Variants in C3orf33 observed in about 807,000 individuals in gnomAD.
C3orf33 encodes the protein AP-1 activity suppressor.
In C3orf33, 23 loss-of-function variants were observed where a neutral mutation model predicts 28.7. The observed-to-expected ratio is 0.80, with a 90% confidence interval of 0.58 to 1.13. The LOEUF is 1.13. Ranked by LOEUF, C3orf33 falls within the 50% of genes most tolerant of loss-of-function variation. The pLI, the probability that C3orf33 is intolerant of heterozygous loss-of-function variation, is 0.00. For missense variants in C3orf33, 327 were observed against 353.4 expected, an observed-to-expected ratio of 0.93 and a Z score of 0.60; for synonymous variants, 119 against 120.5, an observed-to-expected ratio of 0.99 and a Z score of 0.08.
At chr3:155,788,169 C>T (rs1352445053) in intron 2 of C3orf33, among the ~76,000 whole-genome samples, 2 of 146,398 alleles carry the variant, frequency 1.4e-5, no homozygotes, top group Non-Finnish European at 3.0e-5. Context: ...CCAGCCTGGG[C>T]GACAGAGCGA....
intron 2 of C3orf33, among the ~76,000 whole-genome samples, chr3:155,793,596 G>A (rs546780592): frequency 2.6e-5 from 4 of 151,954 alleles, no homozygotes; most frequent in Admixed American, 2.6e-4. Flanking sequence ...GATAACTGAA[G>A]GTTAGGGGTC....
At chr3:155,784,422 CA>C (rs1212945828) in intron 2 of C3orf33, among the ~76,000 whole-genome samples, 1 of 151,854 alleles carries the variant, frequency 6.6e-6, no homozygotes, top group African/African-American at 2.4e-5. Context: ...TTATGCAATA[CA>C]CAGAAAAGGA....
chr3:155,794,458 A>T (rs1751422421), intron 2 of C3orf33, among the ~76,000 whole-genome samples: 1 of 152,156 alleles, frequency 6.6e-6, no homozygotes, highest in African/African-American at 2.4e-5. Context: ...GAAGATAGGA[A>T]GGATGGAAAA....
chr3:155,806,052 A>G, intron 1 of C3orf33, 87 bp downstream of exon 1: 1 of 907,034 alleles, frequency 1.1e-6, no homozygotes, highest in Admixed American at 3.6e-5. Context: ...CCCCGGCGGG[A>G]TCCACGCCTG....
intron 2 of C3orf33, among the ~76,000 whole-genome samples, chr3:155,779,863 A>G (rs1363559681): frequency 6.6e-6 from 1 of 152,186 alleles, no homozygotes. Flanking sequence ...AATTATTAAG[A>G]AGCTGAAGGA....
At chr3:155,787,540 C>T (rs1365201793) in intron 2 of C3orf33, among the ~76,000 whole-genome samples, 7 of 151,500 alleles carry the variant, frequency 4.6e-5, no homozygotes, top group African/African-American at 1.5e-4. Flanking sequence ...TTAGTAGAGA[C>T]GGGGTTTCAC....
chr3:155,799,829 G>A (rs2109281336), intron 2 of C3orf33, among the ~76,000 whole-genome samples: 1 of 152,250 alleles, frequency 6.6e-6, no homozygotes, highest in East Asian at 1.9e-4. Flanking sequence ...GACAAACTTT[G>A]CATGTTCTCA....
chr3:155,764,018 T>C (rs923368757), intron 4 of C3orf33, 100 bp from the exon 5 acceptor site: 1 of 1,007,624 alleles, frequency 9.9e-7, no homozygotes, highest in Middle Eastern at 3.3e-4. Flanking sequence ...ACAATTTTAG[T>C]CCTCCAAAGA....
rs1577412099 is a variant in C3orf33 at position 155,769,453 on chromosome 3, A to C, written c.323-1784T>G. On this transcript the variant is annotated intron_variant, in intron 3 of 4. Transcript: ENST00000340171. ...AAGTGAGCCAAGATCGCACCACTGC[A>C]CTCCAGCCTGGGCAATAGAGTGAGA... 3.3e-5 allele frequency among the ~76,000 whole-genome samples: 5 copies of C among 149,874 alleles called. No individual in the cohort carries two copies. In the South Asian group the frequency reaches 1.1e-3, roughly 32 times the overall value.
chr3:155,773,031 T>C (rs1339160880), intron 3 of C3orf33, among the ~76,000 whole-genome samples: 1 of 152,180 alleles, frequency 6.6e-6, no homozygotes, highest in African/African-American at 2.4e-5. Flanking sequence ...CCAAACCTTC[T>C]TAGTAAGAGT....
intron 2 of C3orf33, among the ~76,000 whole-genome samples, chr3:155,791,376 C>T (rs369215019): frequency 4.3e-4 from 66 of 152,252 alleles, no homozygotes; most frequent in African/African-American, 1.3e-3. Flanking sequence ...GTGCTGACTT[C>T]AGGTGTGACT....
intron 3 of C3orf33, among the ~76,000 whole-genome samples, chr3:155,769,389 G>A (rs1750508790): frequency 6.7e-6 from 1 of 150,116 alleles, no homozygotes; most frequent in Non-Finnish European, 1.5e-5. Context: ...TCAGGAGGCT[G>A]AGGCACGAGA....
Position 155,802,611 on chromosome 3 carries a change from G to T in C3orf33, c.115-20C>A. The T allele has an allele frequency of 6.4e-7, 1 of 1,565,598 alleles. No homozygotes were observed. The highest frequency in any genetic ancestry group is 8.6e-7 in the Non-Finnish European group (1 of 1,157,930). On this transcript the variant is annotated intron_variant, in intron 1 of 4. Transcript: ENST00000340171. The stretch of plus-strand genomic sequence containing the variant: ...GATGTTCTACAGAAAGAGATTTAAG[G>T]GTTAACCCTCACTAATTATTAGTCA...
At chr3:155,802,359 T>C (rs1216500018) in intron 2 of C3orf33, among the ~76,000 whole-genome samples, 173 bp downstream of exon 2, 2 of 152,206 alleles carry the variant, frequency 1.3e-5, no homozygotes, top group African/African-American at 2.4e-5. Context: ...TAAAATCCTG[T>C]GGATGTGTTA....
At chr3:155,775,975 A>G in intron 2 of C3orf33, 127 bp from the exon 3 acceptor site, 1 of 618,106 alleles carries the variant, frequency 1.6e-6, no homozygotes. Context: ...TTAGTTCCTA[A>G]TTTTATATTA....
chr3:155,806,214 G>T lies in C3orf33; in HGVS notation c.39C>A (p.Ala13=). The stretch of plus-strand genomic sequence containing the variant: ...CGTTGGGCTCCATTCCGTCCTTGTC[G>T]GCAGACGGCGAGCCGGTGGCCGCGG... The part of the protein sequence containing the change: ...GQPAATGSPS[A]DKDGMEPNVV... The change falls in exon 1 of 5, where the codon GCC becomes GCA. Residue 13 remains alanine, a synonymous_variant. Coordinates refer to ENST00000340171, the MANE Select transcript of C3orf33 (RefSeq NM_001308229.2). 6.7e-7 allele frequency: 1 copy of T among 1,489,194 alleles called. No individual in the cohort carries two copies. Among genetic ancestry groups the T allele is most frequent in the Non-Finnish European group, 8.9e-7 (1 of 1,119,872 alleles). The allele number at this position is 1,489,194 out of a possible 1,614,324, so 92.2% of individuals were successfully genotyped here. A position where few individuals can be genotyped will look rare whatever the true frequency, so the allele number is the denominator to read the frequency against.
intron 2 of C3orf33, 79 bp from the exon 3 acceptor site, chr3:155,775,927 C>T (rs1202785419): frequency 9.1e-7 from 1 of 1,095,720 alleles, no homozygotes; most frequent in Non-Finnish European, 1.3e-6. Context: ...ATTATCAAAA[C>T]ATTTCACAAG....
intron 2 of C3orf33, among the ~76,000 whole-genome samples, chr3:155,794,390 C>CA (rs1220502405): frequency 6.7e-6 from 1 of 149,952 alleles, no homozygotes. Flanking sequence ...AACTGATATA[C>CA]AAAAAATAAA....
chr3:155,801,088 G>T (rs1003741081), intron 2 of C3orf33, among the ~76,000 whole-genome samples: 2 of 152,124 alleles, frequency 1.3e-5, no homozygotes, highest in African/African-American at 2.4e-5. Flanking sequence ...CAAGGCCGGT[G>T]TATCACTTGA....
Sources: allele counts gnomAD v4.1 joint callset (sites outside exome capture counted in the v4.1 genomes callset), GRCh38; gene constraint gnomAD v4.1.1; transcripts MANE v1.5; gene names NCBI Gene and HGNC (gene_info 2026-07-23, HGNC 2026-07-21).